EIF5: variants seen among roughly 807,000 people sequenced by gnomAD.
EIF5 encodes the protein eukaryotic translation initiation factor 5.
EIF5 carries 10 observed loss-of-function variants against 48.3 expected under a neutral mutation model. That is an observed-to-expected ratio of 0.21 (90% CI 0.13 to 0.35). The LOEUF (loss-of-function observed/expected upper bound fraction) is 0.35. EIF5 is among the 10% of genes least tolerant of loss of function. The pLI, the probability that EIF5 is intolerant of heterozygous loss-of-function variation, is 1.00. For missense variants in EIF5, 397 were observed against 533.2 expected, an observed-to-expected ratio of 0.74 and a Z score of 2.51; for synonymous variants, 237 against 173.1, an observed-to-expected ratio of 1.37 and a Z score of -2.90.
At chr14:103,338,159 T>TA in intron 6 of EIF5, 168 bp from the exon 7 acceptor site, 1 of 917,718 alleles carries the variant, frequency 1.1e-6, no homozygotes, top group Non-Finnish European at 1.7e-6. Flanking sequence ...ACGTATGAAA[T>TA]ACATGATGAA....
Position 103,344,206 on chromosome 14 carries a change from C to CT in EIF5, c.*3157dup, listed in dbSNP as rs2089386533. On this transcript the variant is annotated 3_prime_UTR_variant, in exon 12 of 12. Transcript: ENST00000216554. ...TGTGCACCAGAGTGACCCTGTGAGC[C>CT]TTTGTTAATAGGTTGGGAGCTCAGG... 1.3e-5 allele frequency: 2 copies of CT among 152,178 alleles called. No homozygotes were observed. Among genetic ancestry groups the CT allele is most frequent in the South Asian group, 4.1e-4 (2 of 4,830 alleles). 9.4% of individuals were successfully genotyped at this position (152,178 alleles called of 1,614,324 possible). A position where few individuals can be genotyped will look rare whatever the true frequency, so the allele number is the denominator to read the frequency against.
chr14:103,341,858 CAATT>C lies in EIF5; in HGVS notation c.*810_*813del, dbSNP rs902179235. On this transcript the variant is annotated 3_prime_UTR_variant, in exon 12 of 12. Transcript: ENST00000216554. ...TACTGAGAGAACTTGCTTTGGGGTG[CAATT>C]AATAAACTGATTTTATTTGGGAGAA... 7.1e-6 allele frequency: 1 copy of C among 141,748 alleles called. No individual in the cohort carries two copies. The highest frequency in any genetic ancestry group is 1.5e-5 in the Non-Finnish European group (1 of 65,536). The allele number at this position is 141,748 out of a possible 1,614,324, so 8.8% of individuals were successfully genotyped here.
chr14:103,340,461 A>T lies in EIF5; in HGVS notation c.1106A>T (p.Lys369Ile), dbSNP rs2089340079. 6.2e-7 allele frequency: 1 copy of T among 1,608,424 alleles called. No individual in the cohort carries two copies. Reference sequence around the variant, plus strand: ...AAATATGTCTCCAAAGAACTTGCCAAAGAGATTCGTGTCAAAGCAGAACCA... The same window carrying T: ...AAATATGTCTCCAAAGAACTTGCCATAGAGATTCGTGTCAAAGCAGAACCA... ...SKKYVSKELA[K>I]EIRVKAEPFI... Residue 369 changes from lysine (K) to isoleucine (I), a missense_variant, in exon 11 of 12, where the codon AAA (lysine) becomes ATA (isoleucine). Physicochemically the swap from Lys to Ile is moderately radical, Grantham distance 102 (BLOSUM62 -3). Transcript: ENST00000216554.
At chr14:103,336,302 C>T (rs958716941) in intron 4 of EIF5, 185 bp downstream of exon 4, 11 of 687,898 alleles carry the variant, frequency 1.6e-5, no homozygotes, top group Admixed American at 8.8e-5. Context: ...GAGTGGATGG[C>T]TGGGCGCGTT....
At chr14:103,336,571 ACT>A (rs1457276124) in intron 4 of EIF5, 104 bp from the exon 5 acceptor site, 1 of 1,224,356 alleles carries the variant, frequency 8.2e-7, no homozygotes, top group East Asian at 2.5e-5. Context: ...ACAGAGTGAG[ACT>A]CTTGTCTCAA....
rs1396124783 is a variant in EIF5 at position 103,344,730 on chromosome 14, A to G, written c.*3678A>G. ...AAAAAATAAAAATCAAGTCTTTAGG[A>G]GAGTAGAAAACACAATTAACTAAAA... On this transcript the variant is annotated 3_prime_UTR_variant, in exon 12 of 12. Transcript: ENST00000216554. 1.3e-5 allele frequency: 2 copies of G among 152,136 alleles called. No individual in the cohort carries two copies. The highest frequency in any genetic ancestry group is 4.8e-5 in the African/African-American group (2 of 41,460). The allele number at this position is 152,136 out of a possible 1,614,324, so 9.4% of individuals were successfully genotyped here.
At position 103,340,129 on chromosome 14, in the gene EIF5, G is replaced by GT. The variant is rs375168309; in HGVS notation, c.1072-297dup. Among the ~76,000 whole-genome samples the GT allele has an allele frequency of 4.1e-3, 617 of 152,302 alleles. 2 individuals carry two copies. Among genetic ancestry groups the GT allele is most frequent in the Non-Finnish European group, 7.0e-3 (474 of 68,026 alleles). On this transcript the variant is annotated intron_variant, in intron 10 of 11. Coordinates refer to ENST00000216554, the MANE Select transcript of EIF5 (RefSeq NM_001969.5). ...GCCTCCCAAAGTGCTGAGGTTACAGGTGTGAGCTCCTGCGCCCAGCCGTTC... is the reference window on the plus strand; with the variant it reads ...GCCTCCCAAAGTGCTGAGGTTACAGGTTGTGAGCTCCTGCGCCCAGCCGTTC...
Position 103,334,689 on chromosome 14 carries a change from G to GGGCGGAC in EIF5, c.-209+98_-209+104dup, listed in dbSNP as rs1159767482. 5 of 146,880 alleles carry GGGCGGAC rather than the reference G, an allele frequency of 3.4e-5. No homozygotes were observed. The East Asian group carries it at 7.9e-4, about 23-fold the overall frequency. The allele number at this position is 146,880 out of a possible 1,614,324, so 9.1% of individuals were successfully genotyped here. A position where few individuals can be genotyped will look rare whatever the true frequency, so the allele number is the denominator to read the frequency against. ...CCCGCCGCGGCGTGTGGCGCAGTTT[G>GGGCGGAC]GGCGGACGGCGGGCGGGCGCGGGCC... is the stretch of plus-strand genomic sequence containing the variant. On this transcript the variant is annotated intron_variant, in intron 2 of 11. Transcript: ENST00000216554.
chr14:103,336,648 C>A, intron 4 of EIF5, 29 bp from the exon 5 acceptor site: 1 of 1,573,806 alleles, frequency 6.4e-7, no homozygotes. Context: ...TTAACTGTAA[C>A]GATCCAAACT....
At chr14:103,340,076 C>T (rs1009302949) in intron 10 of EIF5, among the ~76,000 whole-genome samples, 2 of 152,142 alleles carry the variant, frequency 1.3e-5, no homozygotes, top group East Asian at 1.9e-4. Flanking sequence ...AGGTTGGTCT[C>T]GAACACCTGA....
At chr14:103,338,536 AGGT>A in intron 7 of EIF5, 64 bp downstream of exon 7, 2 of 1,518,324 alleles carry the variant, frequency 1.3e-6, no homozygotes, top group Non-Finnish European at 1.8e-6. Context: ...CATTTGGTTG[AGGT>A]GGGTGGAAAT....
In EIF5 at chr14:103,342,879, CCTAAG is replaced by C. The variant is rs1403867492; in HGVS notation, c.*1833_*1837del. On this transcript the variant is annotated 3_prime_UTR_variant, in exon 12 of 12. Transcript: ENST00000216554. ...GGAATTCTGTAGGAGATACTGGTGA[CCTAAG>C]CTAAGTTGCACTCAGCATACTCAGT... 5.2e-5 allele frequency: 8 copies of C among 152,580 alleles called. No homozygotes were observed. Among genetic ancestry groups the C allele is most frequent in the Admixed American group, 3.9e-4 (6 of 15,272 alleles). 9.5% of individuals were successfully genotyped at this position (152,580 alleles called of 1,614,324 possible). A position where few individuals can be genotyped will look rare whatever the true frequency, so the allele number is the denominator to read the frequency against.
chr14:103,339,921 T>C (rs965355378), intron 10 of EIF5, 118 bp downstream of exon 10: 3 of 1,175,300 alleles, frequency 2.6e-6, no homozygotes, highest in Non-Finnish European at 3.5e-6. Flanking sequence ...TACAGTGGTA[T>C]GATCTCAGCT....
In EIF5 at chr14:103,335,769, T is replaced by G; in HGVS notation, c.-92T>G. 6.2e-3 allele frequency: 7,054 copies of G among 1,134,270 alleles called. No homozygotes were observed. Among genetic ancestry groups the G allele is most frequent in the Non-Finnish European group, 6.9e-3 (5,377 of 775,566 alleles). The allele number at this position is 1,134,270 out of a possible 1,614,324, so 70.3% of individuals were successfully genotyped here. ...AGAGACCGAGAACTCTTGCAGTCGTTTATGTCATCCCTTCTTCTCCAGACA... is the reference window on the plus strand; with the variant it reads ...AGAGACCGAGAACTCTTGCAGTCGTGTATGTCATCCCTTCTTCTCCAGACA... On this transcript the variant is annotated 5_prime_UTR_variant, in exon 3 of 12. Transcript: ENST00000216554.
In EIF5 at chr14:103,336,862, G is replaced by C; in HGVS notation, c.327+13G>C. On this transcript the variant is annotated intron_variant, in intron 5 of 11. Coordinates refer to ENST00000216554, the MANE Select transcript of EIF5 (RefSeq NM_001969.5). ...TGAAACAGATTTGGTAAGTGCTTTT[G>C]TGGTTGTCGAAAGAAAAAGCCATAT... The C allele has an allele frequency of 6.2e-7, 1 of 1,605,244 alleles. No individual in the cohort carries two copies. The highest frequency in any genetic ancestry group is 8.5e-7 in the Non-Finnish European group (1 of 1,176,276).
intron 10 of EIF5, among the ~76,000 whole-genome samples, chr14:103,340,010 G>A (rs1434734448): frequency 6.6e-6 from 1 of 151,986 alleles, no homozygotes; most frequent in African/African-American, 2.4e-5. Context: ...AGGCACCTGC[G>A]ATCATGCCCA....
At position 103,337,369 on chromosome 14, in the gene EIF5, C is replaced by T. The variant is rs181196092; in HGVS notation, c.439+142C>T. 19 of 671,804 alleles carry T rather than the reference C, an allele frequency of 2.8e-5. No individual in the cohort carries two copies. In the Admixed American group the frequency reaches 6.6e-4, roughly 23 times the overall value. The allele number at this position is 671,804 out of a possible 1,614,324, so 41.6% of individuals were successfully genotyped here. ...CTTGTATTCCCCGCATTTTGGGAGG[C>T]CAGGGCGGGCACATCACTTGAGGCC... On this transcript the variant is annotated intron_variant, in intron 6 of 11. Transcript: ENST00000216554.
rs147189150 is a variant in EIF5 at position 103,339,201 on chromosome 14, A to T, written c.774A>T (p.Ser258=). The change falls in exon 9 of 12, where the codon TCA becomes TCT. Residue 258 remains serine, a synonymous_variant. Transcript: ENST00000216554. ...AGAAAGAAGAGGGTGTTATTGATTC[A>T]TCTGACAAAGAAATCGTTGCTGAAG... ...KKKKEEGVID[S]SDKEIVAEAE... 1 of 1,610,420 alleles carries T rather than the reference A, an allele frequency of 6.2e-7. No homozygotes were observed. Among genetic ancestry groups the T allele is most frequent in the Non-Finnish European group, 8.5e-7 (1 of 1,179,150 alleles).
intron 4 of EIF5, 134 bp from the exon 5 acceptor site, chr14:103,336,543 T>C (rs527799659): frequency 2.1e-6 from 2 of 959,008 alleles, no homozygotes; most frequent in African/African-American, 3.3e-5. Flanking sequence ...ACCACGCCGT[T>C]GCACTCCAGC....
Sources: gnomAD v4.1 joint callset for allele counts (sites outside exome capture counted in the v4.1 genomes callset) on GRCh38, gnomAD v4.1.1 for gene constraint, MANE v1.5 for transcripts, NCBI Gene and HGNC (gene_info 2026-07-23, HGNC 2026-07-21) for gene names.